The following SRP54 variants were observed in gnomAD, a reference collection of about 807,000 sequenced individuals.
SRP54 encodes signal recognition particle 54.
SRP54 carries 10 observed loss-of-function variants against 64.8 expected under a neutral mutation model. The observed-to-expected ratio is 0.15, with a 90% CI of 0.10 to 0.26. The LOEUF is 0.26. Among genes scored for constraint, SRP54 ranks in the 10% least tolerant of loss-of-function variants. The pLI, the probability that SRP54 is intolerant of heterozygous loss-of-function variation, is 1.00. For synonymous variants in SRP54, 193 were observed against 185.6 expected, an observed-to-expected ratio of 1.04 and a Z score of -0.32; for missense variants, 325 against 613.7, an observed-to-expected ratio of 0.53 and a Z score of 4.97.
At chr14:34,996,302 A>C (rs2044072729) in intron 1 of SRP54, among the ~76,000 whole-genome samples, 1 of 152,158 alleles carries the variant, frequency 6.6e-6, no homozygotes, top group African/African-American at 2.4e-5. Context: ...GTATTCCTGG[A>C]GATTTCACCT....
chr14:35,020,082 G>C (rs1030572164), intron 13 of SRP54, among the ~76,000 whole-genome samples: 1 of 152,192 alleles, frequency 6.6e-6, no homozygotes, highest in Non-Finnish European at 1.5e-5. Context: ...CTACTTGGGA[G>C]GCTGAGGCAG....
In SRP54 at chr14:35,014,667, T is replaced by C. The variant is rs941564942; in HGVS notation, c.887-77T>C. On this transcript the variant is annotated intron_variant, in intron 10 of 15. Coordinates refer to ENST00000216774, the MANE Select transcript of SRP54 (RefSeq NM_003136.4). ...CTATTATAACCTCACAAGGTTATTA[T>C]GTATGTGAATGTGTTTTGTATAATG... 11 of 1,062,542 alleles carry C rather than the reference T, an allele frequency of 1.0e-5. No homozygotes were observed. In the South Asian group the frequency reaches 1.2e-4, roughly 11 times the overall value. The allele number at this position is 1,062,542 out of a possible 1,614,324, so 65.8% of individuals were successfully genotyped here. A position where few individuals can be genotyped will look rare whatever the true frequency, so the allele number is the denominator to read the frequency against.
intron 8 of SRP54, among the ~76,000 whole-genome samples, chr14:35,012,597 T>C (rs979596924): frequency 2.0e-5 from 3 of 152,148 alleles, no homozygotes; most frequent in Non-Finnish European, 2.9e-5. Flanking sequence ...CCTTTGTACT[T>C]TTTTTGCCTA....
rs369988626 is a variant in SRP54, at chr14:35,005,856, T to C, written c.256-1427T>C. 2.6e-5 allele frequency among the ~76,000 whole-genome samples: 4 copies of C among 152,152 alleles called. No individual in the cohort carries two copies. The East Asian group carries it at 5.8e-4, about 22-fold the overall frequency. On this transcript the variant is annotated intron_variant, in intron 4 of 15. Transcript: ENST00000216774. The stretch of plus-strand genomic sequence containing the variant: ...CCCATGCTTTTTTTTGTTTTTGTTT[T>C]TGAGATGGAGTCTCGCTCTGTCACC...
intron 11 of SRP54, among the ~76,000 whole-genome samples, chr14:35,016,595 C>A (rs1046336152): frequency 1.3e-5 from 2 of 152,198 alleles, no homozygotes; most frequent in African/African-American, 4.8e-5. Context: ...CACCTGAACC[C>A]TAGACTGAGT....
chr14:35,023,737 TTG>T (rs2044572836), intron 14 of SRP54, among the ~76,000 whole-genome samples: 2 of 149,770 alleles, frequency 1.3e-5, no homozygotes, highest in Admixed American at 1.3e-4. Flanking sequence ...TGAGCCGAGA[TTG>T]TACCACTGTA....
intron 1 of SRP54, among the ~76,000 whole-genome samples, chr14:34,996,132 A>T (rs1188016967): frequency 6.6e-6 from 1 of 152,116 alleles, no homozygotes; most frequent in Non-Finnish European, 1.5e-5. Context: ...AAAATGAAAT[A>T]ATGTATGTGG....
intron 4 of SRP54, 30 bp from the exon 5 acceptor site, chr14:35,007,253 T>C (rs2044271355): frequency 1.3e-6 from 2 of 1,483,208 alleles, no homozygotes; most frequent in African/African-American, 2.8e-5. Context: ...GTTAACCTGA[T>C]TTTATTTTTA....
rs926367586 is a variant in SRP54 at position 34,996,852 on chromosome 14, T to G, written c.78+65T>G. The G allele has an allele frequency of 2.3e-5, 26 of 1,139,568 alleles. No individual in the cohort carries two copies. In the African/African-American group the frequency reaches 3.2e-4, roughly 14 times the overall value. 70.6% of individuals were successfully genotyped at this position (1,139,568 alleles called of 1,614,324 possible). ...TGTCACTAGCATTGGGAAGATGGCT[T>G]ATTCATAATCCCTGTATTTATATGT... On this transcript the variant is annotated intron_variant, in intron 2 of 15. Transcript: ENST00000216774.
At chr14:35,013,088 C>T (rs747518280) in intron 8 of SRP54, among the ~76,000 whole-genome samples, 4 of 151,844 alleles carry the variant, frequency 2.6e-5, no homozygotes, top group Non-Finnish European at 4.4e-5. Context: ...GGATTACAGG[C>T]ACTCGCCACC....
chr14:34,997,702 A>G (rs1229138066), intron 2 of SRP54, among the ~76,000 whole-genome samples: 3 of 152,236 alleles, frequency 2.0e-5, no homozygotes, highest in Non-Finnish European at 2.9e-5. Flanking sequence ...CTTAGAGATC[A>G]TTTAGTTCAG....
chr14:35,013,599 C>G (rs749335606), intron 9 of SRP54, 105 bp downstream of exon 9: 2 of 1,310,926 alleles, frequency 1.5e-6, no homozygotes, highest in Non-Finnish European at 2.1e-6. Context: ...CAATAGTGAG[C>G]CTAATATGGT....
intron 14 of SRP54, 112 bp downstream of exon 14, chr14:35,023,192 G>A: frequency 2.5e-6 from 2 of 812,060 alleles, no homozygotes; most frequent in Non-Finnish European, 3.7e-6. Flanking sequence ...TTATTTTCAA[G>A]TACTTCCAGG....
intron 14 of SRP54, among the ~76,000 whole-genome samples, chr14:35,027,022 CTTTCT>C: frequency 7.6e-6 from 1 of 132,256 alleles, no homozygotes; most frequent in African/African-American, 2.8e-5. Flanking sequence ...TTACTTTCTA[CTTTCT>C]TTTTTTTTTT....
intron 1 of SRP54, among the ~76,000 whole-genome samples, chr14:34,983,504 G>A (rs931992639): frequency 2.0e-5 from 3 of 152,216 alleles, no homozygotes; most frequent in African/African-American, 7.2e-5. Context: ...TTTAGATGAA[G>A]CTACTTCCCC....
chr14:35,002,492 G>C (rs953185514), intron 4 of SRP54, among the ~76,000 whole-genome samples: 1 of 151,420 alleles, frequency 6.6e-6, no homozygotes, highest in Non-Finnish European at 1.5e-5. Context: ...AAGTGCAATG[G>C]CATGATCTCT....
At chr14:35,011,765 G>GA in intron 8 of SRP54, 106 bp downstream of exon 8, 1 of 1,012,270 alleles carries the variant, frequency 9.9e-7, no homozygotes, top group Non-Finnish European at 1.3e-6. Context: ...CTGTGAGGCA[G>GA]ATCCCCAGTA....
rs1384552218 is a variant in SRP54, at chr14:34,988,578, A to AAAAAAATAT, written c.-34+5364_-34+5365insAAAAATATA. Reference sequence around the variant, plus strand: ...TCCATCTCAAAAAAAAAAAAAAAAAAATATATATATATATATAACATATAT... The same window carrying AAAAAAATAT: ...TCCATCTCAAAAAAAAAAAAAAAAAAAAAAAATATATATATATATATATATAACATATAT... On this transcript the variant is annotated intron_variant, in intron 1 of 15. Transcript: ENST00000216774. 6.2e-3 allele frequency among the ~76,000 whole-genome samples: 294 copies of AAAAAAATAT among 47,052 alleles called. 17 individuals carry two copies. The highest frequency in any genetic ancestry group is 0.017 in the African/African-American group (255 of 14,886). The allele number at this position is 47,052 out of a possible 152,430, so 30.9% of individuals were successfully genotyped here. A position where few individuals can be genotyped will look rare whatever the true frequency, so the allele number is the denominator to read the frequency against.
intron 2 of SRP54, among the ~76,000 whole-genome samples, chr14:34,998,815 C>G (rs2044113963): frequency 1.3e-5 from 2 of 149,146 alleles, no homozygotes; most frequent in Non-Finnish European, 3.0e-5. Context: ...CTCTGAAACT[C>G]TGTTCCAAAA....
Sources: gnomAD v4.1 joint callset for allele counts (sites outside exome capture counted in the v4.1 genomes callset) on GRCh38, gnomAD v4.1.1 for gene constraint, MANE v1.5 for transcripts, NCBI Gene and HGNC (gene_info 2026-07-23, HGNC 2026-07-21) for gene names.